The following HMGN3 variants were observed in gnomAD, a reference collection of about 807,000 sequenced individuals.
The protein encoded by HMGN3 is high mobility group nucleosomal binding domain 3, also known as high mobility group nucleosome-binding domain-containing protein 3.
A neutral mutation model predicts 18.8 loss-of-function variants in HMGN3; 6 were observed. The ratio of observed to expected loss-of-function variants is 0.32; its 90% CI spans 0.18 to 0.63. The LOEUF (loss-of-function observed/expected upper bound fraction) is 0.63. HMGN3 is among the 30% of genes least tolerant of loss of function. The probability of loss-of-function intolerance (pLI) is 0.79; values close to 1 mark genes in which losing one functional copy is unlikely to be tolerated. For missense variants in HMGN3, 107 were observed against 114.2 expected, an observed-to-expected ratio of 0.94 and a Z score of 0.29; for synonymous variants, 40 against 36.5, an observed-to-expected ratio of 1.10 and a Z score of -0.35.
At chr6:79,228,216 C>T (rs768307536) in intron 1 of HMGN3, among the ~76,000 whole-genome samples, 2 of 151,998 alleles carry the variant, frequency 1.3e-5, no homozygotes, top group Non-Finnish European at 2.9e-5. Context: ...TCTACCTATC[C>T]CATCAGACAG....
chr6:79,214,359 G>A (rs1276404389), intron 2 of HMGN3, among the ~76,000 whole-genome samples: 3 of 151,784 alleles, frequency 2.0e-5, no homozygotes, highest in East Asian at 3.9e-4. Flanking sequence ...CCACCACCAC[G>A]CCTGGCTAAC....
At chr6:79,227,969 A>AACTT (rs1777640187) in intron 1 of HMGN3, among the ~76,000 whole-genome samples, 1 of 152,262 alleles carries the variant, frequency 6.6e-6, no homozygotes, top group East Asian at 1.9e-4. Context: ...AATCAAAAAT[A>AACTT]GGTAATCAAT....
chr6:79,206,762 C>A (rs1017150996), intron 3 of HMGN3, among the ~76,000 whole-genome samples: 1 of 152,142 alleles, frequency 6.6e-6, no homozygotes, highest in African/African-American at 2.4e-5. Context: ...CAGTTTGCAC[C>A]GTGTGCCTGG....
chr6:79,220,141 G>C (rs570664994), intron 1 of HMGN3, among the ~76,000 whole-genome samples: 2 of 152,164 alleles, frequency 1.3e-5, no homozygotes, highest in African/African-American at 4.8e-5. Flanking sequence ...TTTTGTTCTG[G>C]AGGATGATAC....
exon 6 of HMGN3, chr6:79,201,601 T>C (rs1351133296): frequency 4.3e-6 from 4 of 927,174 alleles, no homozygotes; most frequent in Non-Finnish European, 7.0e-6. Flanking sequence ...TCCTAAAAAA[T>C]TAGCATTTAC....
At chr6:79,204,020 C>T (rs1358149318) in intron 3 of HMGN3, among the ~76,000 whole-genome samples, 1 of 152,240 alleles carries the variant, frequency 6.6e-6, no homozygotes, top group Non-Finnish European at 1.5e-5. Context: ...GCCTTCCTAA[C>T]AGTCTAGAAA....
chr6:79,202,526 C>A (rs1315044647), intron 4 of HMGN3, 137 bp from the exon 5 acceptor site: 6 of 705,034 alleles, frequency 8.5e-6, no homozygotes, highest in African/African-American at 3.5e-5. Flanking sequence ...GACACGGGAG[C>A]CTAATTTTGC....
intron 1 of HMGN3, among the ~76,000 whole-genome samples, chr6:79,218,217 A>G (rs1228064336): frequency 3.3e-5 from 5 of 152,194 alleles, no homozygotes; most frequent in Admixed American, 3.3e-4. Context: ...AAGGAAAACA[A>G]TGGGGAGTGG....
At position 79,232,524 on chromosome 6, in the gene HMGN3, C is replaced by T. The variant is rs1582455942; in HGVS notation, c.15+2022G>A. Among the ~76,000 whole-genome samples, 3 of 152,068 alleles carry T rather than the reference C, an allele frequency of 2.0e-5. No individual in the cohort carries two copies. In the East Asian group the frequency reaches 5.8e-4, roughly 29 times the overall value. On this transcript the variant is annotated intron_variant, in intron 1 of 5. Transcript: ENST00000344726. The stretch of plus-strand genomic sequence containing the variant: ...ACAGTTTTGCCCCTAGTCTCAGGAC[C>T]ATTGGCTAGCTTATGCATGGGGGTT...
At chr6:79,201,308 C>T in exon 6 of HMGN3, 1 of 181,768 alleles carries the variant, frequency 5.5e-6, no homozygotes, top group Non-Finnish European at 1.1e-5. Flanking sequence ...CACAACTATC[C>T]ATGTTTCATT....
In HMGN3 at chr6:79,208,548, G is replaced by A. The variant is rs755149736; in HGVS notation, c.95C>T (p.Ala32Val). The A allele has an allele frequency of 6.0e-5, 96 of 1,608,782 alleles. No homozygotes were observed. Among genetic ancestry groups the A allele is most frequent in the Non-Finnish European group, 7.5e-5 (88 of 1,175,208 alleles). The change falls in exon 3 of 6, where the codon GCG becomes GTG. Residue 32 changes from alanine to valine, a missense_variant and splice_region_variant. By Grantham distance (64) the Ala-to-Val change is moderately conservative. Coordinates refer to ENST00000344726, the Ensembl canonical transcript of HMGN3. ...CTGAAGTGGTTCTAAGGTACTTACC[G>A]CTGACAATCTGGCAGACCGTCTTGT...
chr6:79,234,620 C>G, exon 1 of HMGN3: 1 of 1,568,928 alleles, frequency 6.4e-7, no homozygotes. Context: ...GGCGCCGCCG[C>G]TGGATGCTGC....
intron 1 of HMGN3, among the ~76,000 whole-genome samples, chr6:79,219,871 T>C (rs1777181340): frequency 6.6e-6 from 1 of 152,194 alleles, no homozygotes; most frequent in African/African-American, 2.4e-5. Context: ...ACATCTAATC[T>C]GTATTTAGAA....
At chr6:79,225,855 G>T (rs1433326014) in intron 1 of HMGN3, among the ~76,000 whole-genome samples, 1 of 152,172 alleles carries the variant, frequency 6.6e-6, no homozygotes, top group Non-Finnish European at 1.5e-5. Context: ...GCACCCTGAG[G>T]CCAGCCTTAG....
At chr6:79,211,387 CAT>C (rs1378463556) in intron 2 of HMGN3, among the ~76,000 whole-genome samples, 10 of 151,100 alleles carry the variant, frequency 6.6e-5, no homozygotes, top group Non-Finnish European at 8.8e-5. Flanking sequence ...AAAACACTAA[CAT>C]GTGAAGTACT....
chr6:79,223,739 C>CTTTTTT (rs11461795), intron 1 of HMGN3, among the ~76,000 whole-genome samples: 1 of 147,482 alleles, frequency 6.8e-6, no homozygotes, highest in African/African-American at 2.5e-5. Flanking sequence ...CTAGAGTTAC[C>CTTTTTT]TTTTTTTTTT....
chr6:79,221,335 G>T (rs1777273865), intron 1 of HMGN3, among the ~76,000 whole-genome samples: 1 of 152,192 alleles, frequency 6.6e-6, no homozygotes, highest in Non-Finnish European at 1.5e-5. Context: ...AGGGAGTGTG[G>T]ATTCCTTCAA....
At chr6:79,216,266 T>C (rs759922827) in intron 1 of HMGN3, among the ~76,000 whole-genome samples, 5 of 152,214 alleles carry the variant, frequency 3.3e-5, no homozygotes, top group African/African-American at 4.8e-5. Context: ...AAGCAACTCA[T>C]GTATCAGTAA....
At chr6:79,215,219 C>T (rs1375567385) in intron 1 of HMGN3, among the ~76,000 whole-genome samples, 197 bp from the exon 2 acceptor site, 1 of 152,236 alleles carries the variant, frequency 6.6e-6, no homozygotes, top group Non-Finnish European at 1.5e-5. Flanking sequence ...AGCTGCATAA[C>T]TGCTCGACTT....
Sources: allele counts gnomAD v4.1 joint callset (sites outside exome capture counted in the v4.1 genomes callset), GRCh38; gene constraint gnomAD v4.1.1; transcripts MANE v1.5; gene names NCBI Gene and HGNC (gene_info 2026-07-23, HGNC 2026-07-21).